CHL1: variants seen among roughly 807,000 people sequenced by gnomAD.
CHL1 encodes neural cell adhesion molecule L1-like protein.
In CHL1, 96 loss-of-function variants were observed where a neutral mutation model predicts 141.9. The observed-to-expected ratio is 0.68, with a 90% confidence interval of 0.57 to 0.80. CHL1 has a LOEUF of 0.80. Ranked by LOEUF, CHL1 falls within the 30% of genes least tolerant of loss-of-function variation. The probability of loss-of-function intolerance (pLI) is 0.00; values close to 1 mark genes in which losing one functional copy is unlikely to be tolerated. For synonymous variants in CHL1, 613 were observed against 502.2 expected, an observed-to-expected ratio of 1.22 and a Z score of -2.95; for missense variants, 1,820 against 1,457.2, an observed-to-expected ratio of 1.25 and a Z score of -4.05.
chr3:219,781 A>G (rs1700661798), intron 1 of CHL1, among the ~76,000 whole-genome samples: 1 of 152,220 alleles, frequency 6.6e-6, no homozygotes, highest in Admixed American at 6.5e-5. Flanking sequence ...CAACAAACCC[A>G]CATGACACAG....
At chr3:353,544 G>A (rs1054531860) in intron 10 of CHL1, among the ~76,000 whole-genome samples, 6 of 152,168 alleles carry the variant, frequency 3.9e-5, no homozygotes, top group Non-Finnish European at 8.8e-5. Context: ...ACCCTGTGGA[G>A]TAATTACAAA....
At chr3:301,345 C>T (rs1035586739) in intron 2 of CHL1, among the ~76,000 whole-genome samples, 2 of 152,150 alleles carry the variant, frequency 1.3e-5, no homozygotes, top group African/African-American at 4.8e-5. Flanking sequence ...GAAGTTCTGG[C>T]TGTACCAAAA....
At chr3:314,290 A>T (rs1279108568) in intron 2 of CHL1, among the ~76,000 whole-genome samples, 2 of 126,078 alleles carry the variant, frequency 1.6e-5, no homozygotes, top group Non-Finnish European at 3.3e-5. Flanking sequence ...ACCTCCCCCC[A>T]ATCTTGCACT....
chr3:224,967 C>T (rs997730785), intron 1 of CHL1, among the ~76,000 whole-genome samples: 3 of 151,522 alleles, frequency 2.0e-5, no homozygotes, highest in Admixed American at 1.3e-4. Context: ...GACACCCCAT[C>T]TCTACTAAAA....
intron 1 of CHL1, among the ~76,000 whole-genome samples, chr3:216,287 A>G (rs1376964776): frequency 6.6e-6 from 1 of 152,224 alleles, no homozygotes; most frequent in Non-Finnish European, 1.5e-5. Context: ...AGGGTGTTTA[A>G]CAGAATAATT....
At chr3:318,633 T>G (rs1258659579) in intron 2 of CHL1, among the ~76,000 whole-genome samples, 2 of 151,438 alleles carry the variant, frequency 1.3e-5, no homozygotes, top group Non-Finnish European at 3.0e-5. Flanking sequence ...TCTGTTTAAA[T>G]GAGAAGCATC....
chr3:349,575 T>C, intron 10 of CHL1, 32 bp downstream of exon 10: 1 of 1,577,090 alleles, frequency 6.3e-7, no homozygotes. Context: ...ATTTCTCTGC[T>C]TTTCAAAAAA....
chr3:204,670 T>A (rs1699252381), intron 1 of CHL1, among the ~76,000 whole-genome samples: 1 of 152,188 alleles, frequency 6.6e-6, no homozygotes, highest in Admixed American at 6.5e-5. Flanking sequence ...ACATATTGGT[T>A]ATGTTCAAAA....
intron 4 of CHL1, among the ~76,000 whole-genome samples, chr3:326,875 G>T (rs1160910509): frequency 6.6e-6 from 1 of 151,504 alleles, no homozygotes. Context: ...TTGCCTGATG[G>T]GTTGATATTT....
intron 3 of CHL1, among the ~76,000 whole-genome samples, chr3:324,509 G>A (rs1313592155): frequency 2.0e-5 from 3 of 152,020 alleles, no homozygotes; most frequent in Non-Finnish European, 4.4e-5. Context: ...CTTAATCCAA[G>A]TTGTATTTCC....
intron 1 of CHL1, among the ~76,000 whole-genome samples, chr3:224,859 G>A (rs140556810): frequency 6.6e-6 from 1 of 152,274 alleles, no homozygotes; most frequent in Non-Finnish European, 1.5e-5. Flanking sequence ...CTCAGAGCCG[G>A]GTGCAGTGGC....
intron 15 of CHL1, among the ~76,000 whole-genome samples, chr3:375,588 A>G (rs752927659): frequency 2.0e-5 from 3 of 151,946 alleles, no homozygotes; most frequent in African/African-American, 4.8e-5. Flanking sequence ...AGTTGGGGAC[A>G]TTAAAACACC....
chr3:354,896 A>C, intron 11 of CHL1, 125 bp downstream of exon 11: 1 of 1,184,894 alleles, frequency 8.4e-7, no homozygotes, highest in South Asian at 1.6e-5. Context: ...ACAACCAGCA[A>C]ATCAGAGATT....
intron 3 of CHL1, among the ~76,000 whole-genome samples, chr3:321,900 T>C (rs567016310): frequency 6.6e-6 from 1 of 152,088 alleles, no homozygotes; most frequent in Non-Finnish European, 1.5e-5. Context: ...ATTTATAATG[T>C]AGAATATATA....
intron 1 of CHL1, among the ~76,000 whole-genome samples, chr3:223,275 A>G (rs1339284476): frequency 1.3e-5 from 2 of 152,226 alleles, no homozygotes; most frequent in Non-Finnish European, 2.9e-5. Context: ...TAAAACAATG[A>G]TACTTAAGTG....
At chr3:268,403 T>C in intron 2 of CHL1, among the ~76,000 whole-genome samples, 1 of 152,040 alleles carries the variant, frequency 6.6e-6, no homozygotes, top group East Asian at 1.9e-4. Flanking sequence ...GGCACAGTGG[T>C]GGGCACCTGT....
chr3:334,881 T>A (rs894553014), intron 5 of CHL1, among the ~76,000 whole-genome samples: 3 of 152,212 alleles, frequency 2.0e-5, no homozygotes, highest in Non-Finnish European at 4.4e-5. Context: ...CTTGTAGATG[T>A]CACAAGAATG....
At chr3:234,027 G>A (rs992464631) in intron 1 of CHL1, among the ~76,000 whole-genome samples, 2 of 151,944 alleles carry the variant, frequency 1.3e-5, no homozygotes, top group African/African-American at 2.4e-5. Context: ...GAGATAAATA[G>A]CATATCATTT....
chr3:258,541 C>T (rs1694395925), intron 2 of CHL1, among the ~76,000 whole-genome samples: 1 of 152,222 alleles, frequency 6.6e-6, no homozygotes, highest in Non-Finnish European at 1.5e-5. Context: ...CTATTACTTT[C>T]ACATGTTTGA....
Sources: gnomAD v4.1 joint callset for allele counts (sites outside exome capture counted in the v4.1 genomes callset) on GRCh38, gnomAD v4.1.1 for gene constraint, MANE v1.5 for transcripts, NCBI Gene and HGNC (gene_info 2026-07-23, HGNC 2026-07-21) for gene names.